RNF157: variants seen among roughly 807,000 people sequenced by gnomAD.
RNF157 encodes the protein E3 ubiquitin ligase RNF157.
A neutral mutation model predicts 88.3 loss-of-function variants in RNF157; 55 were observed. The ratio of observed to expected loss-of-function variants is 0.62; its 90% CI spans 0.50 to 0.78. The LOEUF (loss-of-function observed/expected upper bound fraction) is 0.78. Among genes scored for constraint, RNF157 ranks in the 30% least tolerant of loss-of-function variants. RNF157 has a pLI of 0.00. For synonymous variants in RNF157, 334 were observed against 341.2 expected (o/e 0.98, Z 0.23); for missense variants, 788 against 860.8 (o/e 0.92, Z 1.06).
chr17:76,188,231 T>G (rs113060429), intron 2 of RNF157, among the ~76,000 whole-genome samples: 37 of 152,098 alleles, frequency 2.4e-4, no homozygotes, highest in African/African-American at 8.7e-4. Flanking sequence ...GTGACTTACG[T>G]TCTCTTGTAC....
chr17:76,158,622 A>G (rs866972695), intron 12 of RNF157, 121 bp from the exon 13 acceptor site: 2 of 669,230 alleles, frequency 3.0e-6, no homozygotes, highest in Middle Eastern at 3.6e-4. Flanking sequence ...TTGAGACAGC[A>G]TCTCATTATG....
rs533320855 is a variant in RNF157, at chr17:76,147,291, C to T, written c.1922-1938G>A. On this transcript the variant is annotated intron_variant, in intron 18 of 18. Transcript: ENST00000269391. Reference sequence around the variant, plus strand: ...TACCTATTCCTCAATGTTTATGGGGCAGGACTCCGGAGCTGCGGCTGTTCA... The same window carrying T: ...TACCTATTCCTCAATGTTTATGGGGTAGGACTCCGGAGCTGCGGCTGTTCA... 2.1e-5 allele frequency: 21 copies of T among 985,402 alleles called. No individual in the cohort carries two copies. In the South Asian group the frequency reaches 7.0e-4, roughly 33 times the overall value. The allele number at this position is 985,402 out of a possible 1,614,324, so 61.0% of individuals were successfully genotyped here.
intron 2 of RNF157, among the ~76,000 whole-genome samples, chr17:76,202,207 T>C (rs2069596696): frequency 6.7e-6 from 1 of 150,106 alleles, no homozygotes; most frequent in Non-Finnish European, 1.5e-5. Context: ...ACCATGGGCT[T>C]TAGGCCTGTA....
intron 1 of RNF157, among the ~76,000 whole-genome samples, chr17:76,234,986 G>A (rs1462718752): frequency 6.6e-6 from 1 of 152,034 alleles, no homozygotes; most frequent in African/African-American, 2.4e-5. Context: ...AGGATTTCTG[G>A]TTCATAACTC....
At position 76,157,003 on chromosome 17, in the gene RNF157, C is replaced by T. The variant is rs1209929446; in HGVS notation, c.1414-682G>A. Among the ~76,000 whole-genome samples, 2 of 151,520 alleles carry T rather than the reference C, an allele frequency of 1.3e-5. No individual in the cohort carries two copies. The highest frequency in any genetic ancestry group is 2.9e-5 in the Non-Finnish European group (2 of 67,894). ...TTGAGATGGAGTCTCGCTCTGTTGC[C>T]CAGCCCAGGCTGGAGTGCAGTGGTG... On this transcript the variant is annotated intron_variant, in intron 13 of 18. Transcript: ENST00000269391. The surrounding 1 kb of genome is among the most constrained non-coding windows in gnomAD (Gnocchi z 5.6).
At position 76,159,436 on chromosome 17, in the gene RNF157, A is replaced by G. The variant is rs778608220; in HGVS notation, c.1203T>C (p.Tyr401=). 1 of 1,613,268 alleles carries G rather than the reference A, an allele frequency of 6.2e-7. No homozygotes were observed. Among genetic ancestry groups the G allele is most frequent in the Non-Finnish European group, 8.5e-7 (1 of 1,179,792 alleles). ...CGGGGGGCAGGTGGCCATCACTGCC[A>G]TATGAAGGGAGCATTCCTGAGAGGT... is the stretch of plus-strand genomic sequence containing the variant. ...DGHLSGMLPS[Y]GSDGHLPPVR... The change falls in exon 12 of 19, where the codon TAT becomes TAC. Residue 401 remains tyrosine (Y), a synonymous_variant. Coordinates refer to ENST00000269391, the MANE Select transcript of RNF157 (RefSeq NM_052916.3).
intron 2 of RNF157, among the ~76,000 whole-genome samples, chr17:76,183,240 C>T (rs766700791): frequency 1.5e-4 from 23 of 149,568 alleles, no homozygotes; most frequent in African/African-American, 4.6e-4. Context: ...CCCGGCCTCA[C>T]GTGGGAATAT....
At position 76,202,128 on chromosome 17, in the gene RNF157, T is replaced by TCTCTCTCACACACA. The variant is rs1250661867; in HGVS notation, c.207+10235_207+10236insTGTGTGTGAGAGAG. ...ATCTCAGTTTCTCTCTCTCTCTCTC[T>TCTCTCTCACACACA]CACACACACACACACACACACACAC... On this transcript the variant is annotated intron_variant, in intron 2 of 18. Coordinates refer to ENST00000269391, the MANE Select transcript of RNF157 (RefSeq NM_052916.3). Among the ~76,000 whole-genome samples the TCTCTCTCACACACA allele has an allele frequency of 3.5e-3, 476 of 134,626 alleles. 4 individuals carry two copies. The highest frequency in any genetic ancestry group is 0.013 in the African/African-American group (414 of 32,034). 88.3% of individuals were successfully genotyped at this position (134,626 alleles called of 152,430 possible).
chr17:76,229,667 G>C lies in RNF157; in HGVS notation c.88+10486C>G, dbSNP rs529789703. Among the ~76,000 whole-genome samples the C allele has an allele frequency of 5.3e-5, 8 of 152,326 alleles. No individual in the cohort carries two copies. The South Asian group carries it at 6.2e-4, about 12-fold the overall frequency. ...AGGAATCAAGGGCACTTTATCTGAA[G>C]AGCTGGCACCAGAACTCCTCTTAGG... On this transcript the variant is annotated intron_variant, in intron 1 of 18. Coordinates refer to ENST00000269391, the MANE Select transcript of RNF157 (RefSeq NM_052916.3).
intron 3 of RNF157, among the ~76,000 whole-genome samples, chr17:76,168,979 G>A (rs1437582747): frequency 2.0e-5 from 3 of 152,224 alleles, no homozygotes; most frequent in Non-Finnish European, 1.5e-5. Flanking sequence ...TCTTCTGAAA[G>A]CTTACAGACG....
intron 2 of RNF157, among the ~76,000 whole-genome samples, chr17:76,189,928 A>G (rs2069355678): frequency 6.6e-6 from 1 of 152,246 alleles, no homozygotes; most frequent in Admixed American, 6.5e-5. Flanking sequence ...CGCAAGAAGC[A>G]GTGGGTCCTT....
intron 2 of RNF157, among the ~76,000 whole-genome samples, chr17:76,180,160 C>T (rs2069167916): frequency 6.6e-6 from 1 of 152,204 alleles, no homozygotes; most frequent in African/African-American, 2.4e-5. Flanking sequence ...GAATGGCTTC[C>T]TGTTTCTCAG....
chr17:76,199,689 G>A (rs1176162188), intron 2 of RNF157, among the ~76,000 whole-genome samples: 2 of 151,626 alleles, frequency 1.3e-5, no homozygotes, highest in South Asian at 2.1e-4. Context: ...TGATCTCAAC[G>A]TGAAGTGTGA....
At chr17:76,208,861 C>G (rs145718764) in intron 2 of RNF157, among the ~76,000 whole-genome samples, 233 of 151,914 alleles carry the variant, frequency 1.5e-3, no homozygotes, top group African/African-American at 5.5e-3. Context: ...GTAATCCCAG[C>G]TAGTCAGGAG....
chr17:76,157,402 G>A lies in RNF157; in HGVS notation c.1413+991C>T, dbSNP rs1186874268. Among the ~76,000 whole-genome samples, 2 of 152,190 alleles carry A rather than the reference G, an allele frequency of 1.3e-5. No individual in the cohort carries two copies. The highest frequency in any genetic ancestry group is 4.8e-5 in the African/African-American group (2 of 41,442). On this transcript the variant is annotated intron_variant, in intron 13 of 18. Transcript: ENST00000269391. The surrounding 1 kb of genome is among the most constrained non-coding windows in gnomAD (Gnocchi z 5.6). ...ACTCACTGTGCCCCTGGCTTGCTCC[G>A]AGCCCCGACTTCCTGCTCTGTGCCT...
intron 2 of RNF157, among the ~76,000 whole-genome samples, chr17:76,198,264 A>G (rs575977698): frequency 6.6e-6 from 1 of 152,248 alleles, no homozygotes; most frequent in Non-Finnish European, 1.5e-5. Flanking sequence ...TGGATGAGGG[A>G]GAGCCTGTTG....
chr17:76,234,026 C>T (rs1437318474), intron 1 of RNF157, among the ~76,000 whole-genome samples: 1 of 152,164 alleles, frequency 6.6e-6, no homozygotes, highest in Non-Finnish European at 1.5e-5. Flanking sequence ...CTCTCCTCAG[C>T]CTCTGGCAGC....
Position 76,152,082 on chromosome 17 carries a change from G to A in RNF157, c.1921+273C>T, listed in dbSNP as rs113727561. On this transcript the variant is annotated intron_variant, in intron 18 of 18. Transcript: ENST00000269391. ...CATGGTACCTGCAAGGCCGTGATGTGGGGTGGAGAGTGGTTAGGCCAAATC... is the reference window on the plus strand; with the variant it reads ...CATGGTACCTGCAAGGCCGTGATGTAGGGTGGAGAGTGGTTAGGCCAAATC... Among the ~76,000 whole-genome samples, 1,164 of 152,290 alleles carry A rather than the reference G, an allele frequency of 7.6e-3. 10 individuals carry two copies. The highest frequency in any genetic ancestry group is 0.026 in the African/African-American group (1,079 of 41,546).
intron 18 of RNF157, among the ~76,000 whole-genome samples, chr17:76,148,076 A>C (rs1208688638): frequency 6.6e-6 from 1 of 152,156 alleles, no homozygotes; most frequent in African/African-American, 2.4e-5. Flanking sequence ...AATTTTCCTT[A>C]GTGCCCACAA....
Sources: allele counts gnomAD v4.1 joint callset (sites outside exome capture counted in the v4.1 genomes callset), GRCh38; gene constraint gnomAD v4.1.1; non-coding constraint Gnocchi (gnomAD v3.1); transcripts MANE v1.5; gene names NCBI Gene and HGNC (gene_info 2026-07-23, HGNC 2026-07-21).